CNTNAP2: variants seen among roughly 807,000 people sequenced by gnomAD.
The protein encoded by CNTNAP2 is contactin-associated protein-like 2.
CNTNAP2 carries 98 observed loss-of-function variants against 155.2 expected under a neutral mutation model. The observed-to-expected ratio is 0.63, with a 90% CI of 0.54 to 0.75. CNTNAP2 has a LOEUF of 0.75. CNTNAP2 is among the 30% of genes least tolerant of loss of function. The pLI is 0.00. For missense variants in CNTNAP2, 1,727 were observed against 1,688.1 expected (o/e 1.02, Z -0.40); for synonymous variants, 651 against 631.2 (o/e 1.03, Z -0.47).
intron 15 of CNTNAP2, among the ~76,000 whole-genome samples, chr7:148,052,733 G>A (rs16882145): frequency 0.24 from 36,761 of 152,176 alleles, 5,652 homozygotes; most frequent in East Asian, 0.49. Context: ...AAGTTTAGCC[G>A]TATAACAGTA....
At chr7:146,871,815 A>T (rs1189230933) in intron 3 of CNTNAP2, among the ~76,000 whole-genome samples, 1 of 152,136 alleles carries the variant, frequency 6.6e-6, no homozygotes, top group Non-Finnish European at 1.5e-5. Flanking sequence ...TTGAGAAACT[A>T]TGCAAATCTC....
chr7:146,147,351 T>C (rs1361716607), intron 1 of CNTNAP2, among the ~76,000 whole-genome samples: 1 of 152,112 alleles, frequency 6.6e-6, no homozygotes, highest in East Asian at 1.9e-4. Context: ...ACAGACAGTT[T>C]GGAGGAGATT....
chr7:146,440,745 A>G (rs1796309058), intron 1 of CNTNAP2, among the ~76,000 whole-genome samples: 1 of 151,548 alleles, frequency 6.6e-6, no homozygotes, highest in Non-Finnish European at 1.5e-5. Flanking sequence ...TTATACCACA[A>G]CCCGGAAGTA....
chr7:146,787,412 C>T lies in CNTNAP2; in HGVS notation c.208+13031C>T, dbSNP rs573505016. On this transcript the variant is annotated intron_variant, in intron 2 of 23. Transcript: ENST00000361727. ...TGTGTCTGGAGTTTCTTCCTTCTGG[C>T]GGGTTCGTGGTCTCGCTGACTTCAG... is the stretch of plus-strand genomic sequence containing the variant. Among the ~76,000 whole-genome samples, 7 of 152,112 alleles carry T rather than the reference C, an allele frequency of 4.6e-5. No homozygotes were observed. In the South Asian group the frequency reaches 6.3e-4, roughly 14 times the overall value.
intron 14 of CNTNAP2, among the ~76,000 whole-genome samples, chr7:147,915,023 A>G (rs1322586240): frequency 6.6e-6 from 1 of 152,222 alleles, no homozygotes; most frequent in African/African-American, 2.4e-5. Context: ...TTTGCCATGA[A>G]CACATTTAAC....
intron 1 of CNTNAP2, among the ~76,000 whole-genome samples, chr7:146,259,203 C>T (rs971809461): frequency 2.0e-5 from 3 of 152,108 alleles, no homozygotes; most frequent in African/African-American, 7.2e-5. Context: ...TCAATTAGAC[C>T]TCTTTCCTTT....
At chr7:147,992,134 A>G (rs1801721545) in intron 15 of CNTNAP2, among the ~76,000 whole-genome samples, 1 of 112,970 alleles carries the variant, frequency 8.9e-6, no homozygotes, top group South Asian at 2.9e-4. Context: ...TCGCTCTGTC[A>G]CCTAGGCTGG....
chr7:146,240,771 A>C (rs1427573565), intron 1 of CNTNAP2, among the ~76,000 whole-genome samples: 1 of 152,200 alleles, frequency 6.6e-6, no homozygotes, highest in African/African-American at 2.4e-5. Context: ...CTATTTGCAT[A>C]GGGCTGCAGT....
At chr7:146,625,350 T>G (rs1799401194) in intron 1 of CNTNAP2, among the ~76,000 whole-genome samples, 1 of 146,800 alleles carries the variant, frequency 6.8e-6, no homozygotes, top group African/African-American at 2.7e-5. Context: ...TAGAAAAGAC[T>G]ACTTTGAAAA....
intron 21 of CNTNAP2, among the ~76,000 whole-genome samples, chr7:148,367,335 G>A (rs1006795323): frequency 1.3e-5 from 2 of 152,040 alleles, no homozygotes; most frequent in African/African-American, 4.8e-5. Context: ...CCACAAAAGT[G>A]TTCTAATAAC....
chr7:147,977,799 G>A, intron 14 of CNTNAP2, 63 bp from the exon 15 acceptor site: 1 of 1,606,486 alleles, frequency 6.2e-7, no homozygotes, highest in Middle Eastern at 1.7e-4. Context: ...TAAGCAACTA[G>A]CAGAAAATTC....
chr7:147,039,130 C>A (rs1799213336), intron 3 of CNTNAP2, among the ~76,000 whole-genome samples: 1 of 151,976 alleles, frequency 6.6e-6, no homozygotes, highest in Non-Finnish European at 1.5e-5. Context: ...ACATATATAA[C>A]AATATGTACA....
intron 17 of CNTNAP2, among the ~76,000 whole-genome samples, chr7:148,169,256 G>A (rs1805730439): frequency 1.3e-5 from 2 of 151,992 alleles, no homozygotes; most frequent in Admixed American, 1.3e-4. Context: ...AATCCTTTTT[G>A]CCCCCGTCGA....
chr7:146,244,887 TA>T (rs1462078725), intron 1 of CNTNAP2, among the ~76,000 whole-genome samples: 1 of 151,992 alleles, frequency 6.6e-6, no homozygotes, highest in Non-Finnish European at 1.5e-5. Flanking sequence ...GCATGTTGAG[TA>T]AAGCTAATTT....
At chr7:146,770,973 TCTC>T (rs2129185336) in intron 1 of CNTNAP2, among the ~76,000 whole-genome samples, 1 of 152,192 alleles carries the variant, frequency 6.6e-6, no homozygotes, top group East Asian at 1.9e-4. Context: ...TAGAAAAATT[TCTC>T]CTAGCATGAT....
At chr7:146,657,607 AC>A (rs1319205998) in intron 1 of CNTNAP2, among the ~76,000 whole-genome samples, 2 of 151,746 alleles carry the variant, frequency 1.3e-5, no homozygotes, top group Admixed American at 6.6e-5. Context: ...TTAGATTTTG[AC>A]CCTCTTATCT....
intron 23 of CNTNAP2, chr7:148,414,762 C>T (rs2116728285): frequency 6.5e-6 from 1 of 153,414 alleles, no homozygotes; most frequent in East Asian, 1.9e-4. Flanking sequence ...TCAGCATGAC[C>T]ATTCTATCAA....
At chr7:146,795,638 G>A (rs118191782) in intron 2 of CNTNAP2, among the ~76,000 whole-genome samples, 1 of 152,178 alleles carries the variant, frequency 6.6e-6, no homozygotes, top group Non-Finnish European at 1.5e-5. Context: ...TCAGACGTTG[G>A]TTACTTTTCC....
intron 13 of CNTNAP2, among the ~76,000 whole-genome samples, chr7:147,824,694 C>A (rs1183103518): frequency 6.7e-6 from 1 of 150,096 alleles, no homozygotes; most frequent in Non-Finnish European, 1.5e-5. Flanking sequence ...TGTCCCAAAA[C>A]ACAATATCAC....
Sources: allele counts gnomAD v4.1 joint callset (sites outside exome capture counted in the v4.1 genomes callset), GRCh38; gene constraint gnomAD v4.1.1; transcripts MANE v1.5; gene names NCBI Gene and HGNC (gene_info 2026-07-23, HGNC 2026-07-21).